Variants in MBD5 observed in about 807,000 individuals in gnomAD.
MBD5 encodes the protein methyl-CpG binding domain protein 5.
Under a neutral mutation model 117.3 loss-of-function variants are expected in MBD5, and 13 were observed. That is an observed-to-expected ratio of 0.11 (90% confidence interval 0.07 to 0.18). The LOEUF (loss-of-function observed/expected upper bound fraction) is 0.18, where lower values mean the gene tolerates loss of function less well. Ranked by LOEUF, MBD5 falls within the 10% of genes least tolerant of loss-of-function variation. The pLI is 1.00. For synonymous variants in MBD5, 727 were observed against 766.4 expected (o/e 0.95, Z 0.85); for missense variants, 1,879 against 2,093.8 (o/e 0.90, Z 2.00).
At chr2:148,238,317 A>G (rs1401841183) in intron 3 of MBD5, among the ~76,000 whole-genome samples, 1 of 152,348 alleles carries the variant, frequency 6.6e-6, no homozygotes, top group East Asian at 1.9e-4. Context: ...CATAGAAACT[A>G]TGTACATTCC....
chr2:148,511,581 A>G (rs1418206701), intron 13 of MBD5, among the ~76,000 whole-genome samples: 1 of 152,168 alleles, frequency 6.6e-6, no homozygotes, highest in Non-Finnish European at 1.5e-5. Flanking sequence ...AAATTTTCTC[A>G]TTTTTATGGG....
At chr2:148,445,279 C>T (rs1011760965) in intron 4 of MBD5, among the ~76,000 whole-genome samples, 3 of 150,990 alleles carry the variant, frequency 2.0e-5, no homozygotes, top group Admixed American at 6.6e-5. Flanking sequence ...AATGCTATCC[C>T]TCCCCGCTCC....
chr2:148,397,673 T>A (rs1340591496), intron 4 of MBD5, among the ~76,000 whole-genome samples: 1 of 152,146 alleles, frequency 6.6e-6, no homozygotes, highest in Non-Finnish European at 1.5e-5. Context: ...TTATTATACT[T>A]TAACTTTCAG....
chr2:148,353,496 C>T (rs113766302), intron 4 of MBD5, among the ~76,000 whole-genome samples: 6 of 152,164 alleles, frequency 3.9e-5, no homozygotes, highest in East Asian at 1.9e-4. Context: ...ATTAACAACA[C>T]GCACACAAAC....
In MBD5 at chr2:148,227,706, G is replaced by A. The variant is rs188363933; in HGVS notation, c.-830-5539G>A. 1.3e-3 allele frequency among the ~76,000 whole-genome samples: 197 copies of A among 152,308 alleles called. 3 individuals are homozygous for A. In the South Asian group the frequency reaches 0.036, roughly 28 times the overall value. ...TTGAATCTATAAATTACCTTGGGCA[G>A]TGTGGCCATTTTCACCATATTGATT... On this transcript the variant is annotated intron_variant, in intron 2 of 13. Coordinates refer to ENST00000642680, the MANE Select transcript of MBD5 (RefSeq NM_001378120.1).
At chr2:148,405,205 C>T (rs1705039638) in intron 4 of MBD5, among the ~76,000 whole-genome samples, 1 of 152,108 alleles carries the variant, frequency 6.6e-6, no homozygotes, top group African/African-American at 2.4e-5. Flanking sequence ...AATATTTGAT[C>T]TCTTGCTTAA....
chr2:148,462,566 T>A lies in MBD5; in HGVS notation c.114-16T>A, dbSNP rs758726811. On this transcript the variant is annotated splice_polypyrimidine_tract_variant and intron_variant, in intron 5 of 13. Transcript: ENST00000642680. ...TCAAAATTATTTCCTGATGTTTTTT[T>A]AAACTATTTTTACAGTCCCAGTGGG... The A allele has an allele frequency of 3.3e-6, 5 of 1,504,294 alleles. No homozygotes were observed. The highest frequency in any genetic ancestry group is 4.5e-5 in the East Asian group (2 of 44,214). 93.2% of individuals were successfully genotyped at this position (1,504,294 alleles called of 1,614,324 possible).
intron 2 of MBD5, among the ~76,000 whole-genome samples, chr2:148,211,128 C>T (rs149436301): frequency 2.0e-5 from 3 of 152,236 alleles, no homozygotes; most frequent in East Asian, 1.9e-4. Context: ...CAGTCTAGGA[C>T]GCAAATGAAT....
intron 4 of MBD5, among the ~76,000 whole-genome samples, chr2:148,365,881 G>T (rs2105334195): frequency 6.6e-6 from 1 of 151,844 alleles, no homozygotes; most frequent in African/African-American, 2.4e-5. Context: ...ATGCCCAGGT[G>T]AATTCTACCA....
chr2:148,050,910 T>G (rs1694681812), intron 1 of MBD5, among the ~76,000 whole-genome samples: 1 of 152,168 alleles, frequency 6.6e-6, no homozygotes, highest in Admixed American at 6.5e-5. Context: ...GTTCCTTATA[T>G]TTTCATATGA....
chr2:148,414,443 T>C (rs1705360584), intron 4 of MBD5, among the ~76,000 whole-genome samples: 1 of 152,176 alleles, frequency 6.6e-6, no homozygotes, highest in Admixed American at 6.6e-5. Context: ...ATTCTGTTGT[T>C]TTCAGTGGAG....
At chr2:148,411,174 T>G (rs995675721) in intron 4 of MBD5, among the ~76,000 whole-genome samples, 2 of 152,204 alleles carry the variant, frequency 1.3e-5, no homozygotes, top group Non-Finnish European at 2.9e-5. Context: ...CCCATGTTGC[T>G]GCAATGACAT....
In MBD5 at chr2:148,398,577, A is replaced by C. The variant is rs553314583; in HGVS notation, c.-557+56241A>C. On this transcript the variant is annotated intron_variant, in intron 4 of 13. Transcript: ENST00000642680. Reference sequence around the variant, plus strand: ...GCCCTTTGTCAGATGAGTAGATTGCAAAAAGTTTCTCCCATTCTGTAGGTT... The same window carrying C: ...GCCCTTTGTCAGATGAGTAGATTGCCAAAAGTTTCTCCCATTCTGTAGGTT... Among the ~76,000 whole-genome samples the C allele has an allele frequency of 2.9e-3, 438 of 152,274 alleles. 2 individuals carry two copies. The highest frequency in any genetic ancestry group is 6.7e-3 in the Admixed American group (102 of 15,294).
chr2:148,265,176 A>G (rs759974944), intron 3 of MBD5: 1 of 152,058 alleles, frequency 6.6e-6, no homozygotes, highest in African/African-American at 2.4e-5. Context: ...TTTTAAATTT[A>G]TGTTTTACTA....
intron 2 of MBD5, chr2:148,196,088 A>G (rs1398026198): frequency 6.6e-6 from 1 of 152,178 alleles, no homozygotes; most frequent in Non-Finnish European, 1.5e-5. Flanking sequence ...CACAGGTATC[A>G]TTGGTATCAC....
intron 1 of MBD5, among the ~76,000 whole-genome samples, chr2:148,118,984 G>A (rs925382669): frequency 6.6e-6 from 1 of 152,026 alleles, no homozygotes; most frequent in Non-Finnish European, 1.5e-5. Flanking sequence ...ATGCTGATAT[G>A]AATATTATGT....
At chr2:148,081,577 C>T (rs1423515890) in intron 1 of MBD5, among the ~76,000 whole-genome samples, 2 of 152,214 alleles carry the variant, frequency 1.3e-5, no homozygotes, top group East Asian at 1.9e-4. Context: ...GAGTTACATC[C>T]CATCACTCAT....
intron 1 of MBD5, among the ~76,000 whole-genome samples, chr2:148,120,911 C>G (rs147527922): frequency 6.6e-6 from 1 of 152,116 alleles, no homozygotes; most frequent in Admixed American, 6.6e-5. Flanking sequence ...TTTTCATAGA[C>G]GCCCTTGATC....
chr2:148,142,847 A>G (rs1421149113), intron 1 of MBD5, among the ~76,000 whole-genome samples: 1 of 152,180 alleles, frequency 6.6e-6, no homozygotes, highest in Non-Finnish European at 1.5e-5. Context: ...TAAAAATTGT[A>G]CTAAGTACAT....
Sources: gnomAD v4.1 joint callset for allele counts (sites outside exome capture counted in the v4.1 genomes callset) on GRCh38, gnomAD v4.1.1 for gene constraint, MANE v1.5 for transcripts, NCBI Gene and HGNC (gene_info 2026-07-23, HGNC 2026-07-21) for gene names.